Variants in PPARG observed in about 807,000 individuals in gnomAD.
The protein encoded by PPARG is peroxisome proliferator-activated receptor gamma.
PPARG carries 17 observed loss-of-function variants against 39.2 expected under a neutral mutation model. That is an observed-to-expected ratio of 0.43 (90% CI 0.30 to 0.65). The LOEUF is 0.65. Ranked by LOEUF, PPARG falls within the 30% of genes least tolerant of loss-of-function variation. The probability of loss-of-function intolerance (pLI) is 0.13; values close to 1 mark genes in which losing one functional copy is unlikely to be tolerated. For synonymous variants in PPARG, 223 were observed against 215.7 expected (o/e 1.03, Z -0.30); for missense variants, 406 against 585.9 (o/e 0.69, Z 3.17).
At chr3:12,413,975 G>T (rs892821677) in intron 6 of PPARG, among the ~76,000 whole-genome samples, 2 of 152,132 alleles carry the variant, frequency 1.3e-5, no homozygotes, top group South Asian at 4.1e-4. Flanking sequence ...AAAATTAGCA[G>T]GATTTTGTGC....
chr3:12,410,993 G>GGATA (rs1185792613), intron 6 of PPARG, among the ~76,000 whole-genome samples: 3 of 152,122 alleles, frequency 2.0e-5, no homozygotes, highest in Non-Finnish European at 4.4e-5. Context: ...AATAAAATCA[G>GGATA]GATAGTAGTG....
chr3:12,363,654 G>T (rs546440618), intron 2 of PPARG, among the ~76,000 whole-genome samples: 3 of 152,188 alleles, frequency 2.0e-5, no homozygotes, highest in African/African-American at 7.2e-5. Context: ...TTGAAGGTGG[G>T]CACAGCAGGG....
intron 7 of PPARG, among the ~76,000 whole-genome samples, 156 bp downstream of exon 7, chr3:12,417,310 C>G (rs968743394): frequency 1.3e-5 from 2 of 152,180 alleles, no homozygotes; most frequent in Non-Finnish European, 2.9e-5. Context: ...AACACTGTAC[C>G]AAGAAAGAGT....
intron 6 of PPARG, chr3:12,406,557 T>TTTTTTTTTTTTTTTTTTTTC (rs2050679424): frequency 6.7e-6 from 1 of 148,556 alleles, no homozygotes; most frequent in African/African-American, 3.7e-5. Context: ...TTTTTTTTTT[T>TTTTTTTTTTTTTTTTTTTTC]GAGATGTCGT....
intron 7 of PPARG, among the ~76,000 whole-genome samples, chr3:12,418,121 C>A (rs2051140600): frequency 6.6e-6 from 1 of 151,930 alleles, no homozygotes; most frequent in Non-Finnish European, 1.5e-5. Flanking sequence ...TGCACACCAA[C>A]ATGCCCTGCT....
intron 4 of PPARG, 150 bp downstream of exon 4, chr3:12,381,641 T>C: frequency 1.3e-6 from 1 of 778,410 alleles, no homozygotes; most frequent in African/African-American, 1.7e-5. Context: ...GCAGTGGTGC[T>C]ATCCTAGCAC....
chr3:12,314,191 C>A (rs2047326631), intron 2 of PPARG, among the ~76,000 whole-genome samples: 1 of 152,096 alleles, frequency 6.6e-6, no homozygotes, highest in Non-Finnish European at 1.5e-5. Context: ...GCATGAGAAT[C>A]AGTTGAACCC....
chr3:12,391,382 G>T (rs993307138), intron 4 of PPARG, among the ~76,000 whole-genome samples: 2 of 152,182 alleles, frequency 1.3e-5, no homozygotes, highest in African/African-American at 4.8e-5. Context: ...GAGAGGTGGG[G>T]CAGGGACAGG....
At chr3:12,397,572 G>T (rs1052482246) in intron 5 of PPARG, among the ~76,000 whole-genome samples, 10 of 151,500 alleles carry the variant, frequency 6.6e-5, no homozygotes, top group Non-Finnish European at 1.5e-4. Context: ...CACCATGCCC[G>T]GCTAATTTTT....
At chr3:12,381,036 C>CT (rs2049631933) in intron 3 of PPARG, among the ~76,000 whole-genome samples, 1 of 152,206 alleles carries the variant, frequency 6.6e-6, no homozygotes, top group African/African-American at 2.4e-5. Context: ...TCTATGTTGT[C>CT]TGTTACAGCT....
chr3:12,380,131 C>A (rs1186389196), intron 3 of PPARG, among the ~76,000 whole-genome samples, 200 bp downstream of exon 3: 2 of 152,026 alleles, frequency 1.3e-5, no homozygotes, highest in Non-Finnish European at 2.9e-5. Context: ...GTCAATCTTG[C>A]CTTCCCCGCC....
chr3:12,324,419 A>G (rs1476502168), intron 2 of PPARG, among the ~76,000 whole-genome samples: 1 of 152,176 alleles, frequency 6.6e-6, no homozygotes, highest in Non-Finnish European at 1.5e-5. Flanking sequence ...GTCAGGCAAG[A>G]ATAGATGTAT....
intron 6 of PPARG, among the ~76,000 whole-genome samples, chr3:12,416,147 G>A (rs529396168): frequency 1.5e-4 from 23 of 152,346 alleles, no homozygotes; most frequent in African/African-American, 5.5e-4. Context: ...GGGAGGCCAA[G>A]GCAGGCAGAT....
chr3:12,300,488 C>A (rs2124951031), intron 1 of PPARG, among the ~76,000 whole-genome samples: 1 of 152,122 alleles, frequency 6.6e-6, no homozygotes, highest in South Asian at 2.1e-4. Context: ...CAGTTAATTT[C>A]TTTTTATCGT....
At chr3:12,328,089 GTAT>G (rs1252084842) in intron 2 of PPARG, 1 of 1,451,880 alleles carries the variant, frequency 6.9e-7, no homozygotes, top group African/African-American at 1.4e-5. Context: ...AGACTAACAT[GTAT>G]GAAGGTGTAG....
chr3:12,420,935 T>C (rs1483826899), intron 7 of PPARG, among the ~76,000 whole-genome samples: 1 of 152,198 alleles, frequency 6.6e-6, no homozygotes, highest in Non-Finnish European at 1.5e-5. Flanking sequence ...GGGCAAGAAT[T>C]AGACTAAATG....
chr3:12,345,226 A>T (rs897172407), intron 2 of PPARG, among the ~76,000 whole-genome samples: 3 of 152,230 alleles, frequency 2.0e-5, no homozygotes, highest in Admixed American at 6.5e-5. Context: ...ACTCATGAAG[A>T]ATCTGTGAAT....
chr3:12,326,242 T>C (rs781747626), intron 2 of PPARG, among the ~76,000 whole-genome samples: 14 of 152,204 alleles, frequency 9.2e-5, no homozygotes, highest in Non-Finnish European at 1.9e-4. Context: ...CAATATAGTT[T>C]ATTGCACTTA....
chr3:12,369,860 T>A (rs1440876148), intron 2 of PPARG, among the ~76,000 whole-genome samples: 1 of 152,198 alleles, frequency 6.6e-6, no homozygotes, highest in Non-Finnish European at 1.5e-5. Flanking sequence ...ATCCTCAAAC[T>A]CTCTGACAGA....
Sources: allele counts gnomAD v4.1 joint callset (sites outside exome capture counted in the v4.1 genomes callset), GRCh38; gene constraint gnomAD v4.1.1; transcripts MANE v1.5; gene names NCBI Gene and HGNC (gene_info 2026-07-23, HGNC 2026-07-21).